AP4M1: variants seen among roughly 807,000 people sequenced by gnomAD.
AP4M1 encodes adaptor related protein complex 4 subunit mu 1.
Under a neutral mutation model 62.4 loss-of-function variants are expected in AP4M1, and 58 were observed. The observed-to-expected ratio is 0.93, with a 90% CI of 0.75 to 1.16. The LOEUF (loss-of-function observed/expected upper bound fraction) is 1.16. Ranked by LOEUF, AP4M1 falls within the 50% of genes most tolerant of loss-of-function variation. AP4M1 has a pLI of 0.00. For missense variants in AP4M1, 626 were observed against 585.4 expected (o/e 1.07, Z -0.72); for synonymous variants, 290 against 239.7 (o/e 1.21, Z -1.94).
In AP4M1 at chr7:100,107,357, A is replaced by G. The variant is rs1318533241; in HGVS notation, c.*475A>G. On this transcript the variant is annotated 3_prime_UTR_variant, in exon 15 of 15. Coordinates refer to ENST00000359593, the MANE Select transcript of AP4M1 (RefSeq NM_004722.4). ...CCTCCTGCTTCCCCCCACAAAGGGC[A>G]CTGCCGCTGAGTGGGGACGGGGACG... is the stretch of plus-strand genomic sequence containing the variant. The G allele has an allele frequency of 4.5e-6, 7 of 1,563,308 alleles. No homozygotes were observed. Among genetic ancestry groups the G allele is most frequent in the Non-Finnish European group, 6.1e-6 (7 of 1,152,650 alleles).
Position 100,106,647 on chromosome 7 carries a change from G to A in AP4M1, c.1138-11G>A, listed in dbSNP as rs1023175723. 6.3e-7 allele frequency: 1 copy of A among 1,588,388 alleles called. No individual in the cohort carries two copies. Among genetic ancestry groups the A allele is most frequent in the Non-Finnish European group, 8.5e-7 (1 of 1,170,720 alleles). On this transcript the variant is annotated splice_polypyrimidine_tract_variant and intron_variant, in intron 14 of 14. Transcript: ENST00000359593. ...TGCCCTCCTTCCTCTCCCTGCCTCT[G>A]CCCCTCACAGATGGACGTCCCAGGG... is the stretch of plus-strand genomic sequence containing the variant.
rs973744863 is a variant in AP4M1, at chr7:100,105,958, G to C, written c.930-1G>C. 1 of 1,614,174 alleles carries C rather than the reference G, an allele frequency of 6.2e-7. No homozygotes were observed. The highest frequency in any genetic ancestry group is 1.3e-5 in the African/African-American group (1 of 75,048). On this transcript the variant is annotated splice_acceptor_variant, in intron 11 of 14. Transcript: ENST00000359593. LOFTEE classifies it high-confidence loss of function. ...TCGTGGTGTTTTACCCTCTCATCCA[G>C]GCTCCAGGTTTATCTAAAGTTGCGA...
chr7:100,107,917 T>C lies in AP4M1; in HGVS notation c.*1035T>C. ...CTCCAGATGCTCCCTGTCCCACAGCTCTGCATACCTGCTGGGTGGATGGGG... is the reference window on the plus strand; with the variant it reads ...CTCCAGATGCTCCCTGTCCCACAGCCCTGCATACCTGCTGGGTGGATGGGG... On this transcript the variant is annotated 3_prime_UTR_variant, in exon 15 of 15. Coordinates refer to ENST00000359593, the MANE Select transcript of AP4M1 (RefSeq NM_004722.4). The C allele has an allele frequency of 6.3e-7, 1 of 1,599,758 alleles. No homozygotes were observed. Among genetic ancestry groups the C allele is most frequent in the Non-Finnish European group, 8.5e-7 (1 of 1,171,474 alleles).
chr7:100,102,419 AAAAG>A (rs1219614088), intron 2 of AP4M1: 11 of 439,384 alleles, frequency 2.5e-5, no homozygotes, highest in East Asian at 2.3e-4. Flanking sequence ...GAAAAAAAAA[AAAAG>A]AGTCAATGGG....
intron 4 of AP4M1, 23 bp from the exon 5 acceptor site, chr7:100,103,386 G>T: frequency 6.2e-7 from 1 of 1,600,368 alleles, no homozygotes; most frequent in Admixed American, 1.7e-5. Context: ...TGATCACTCA[G>T]ACTGTCCTTC....
upstream of AP4M1, chr7:100,101,231 G>C (rs199801842): frequency 3.5e-5 from 56 of 1,612,254 alleles, 1 homozygote; most frequent in Admixed American, 6.5e-4. Context: ...GGCTCCCCGC[G>C]CAGGACGCCC....
In AP4M1 at chr7:100,107,195, CGTGTGTACATGTCTGCAT is replaced by C. The variant is rs1489443582; in HGVS notation, c.*319_*336del. On this transcript the variant is annotated 3_prime_UTR_variant, in exon 15 of 15. Coordinates refer to ENST00000359593, the MANE Select transcript of AP4M1 (RefSeq NM_004722.4). ...GCGAGCATGCATGTGTGTACGTGCA[CGTGTGTACATGTCTGCAT>C]GTGTGGGAATCCGGGGGCTGGCAGG... 20 of 1,519,004 alleles carry C rather than the reference CGTGTGTACATGTCTGCAT, an allele frequency of 1.3e-5. No homozygotes were observed. Among genetic ancestry groups the C allele is most frequent in the Non-Finnish European group, 1.6e-5 (18 of 1,136,500 alleles). The allele number at this position is 1,519,004 out of a possible 1,614,324, so 94.1% of individuals were successfully genotyped here.
Position 100,106,497 on chromosome 7 carries a change from C to T in AP4M1, c.1120C>T (p.Leu374Phe), listed in dbSNP as rs747834855. 4 of 1,613,562 alleles carry T rather than the reference C, an allele frequency of 2.5e-6. No individual in the cohort carries two copies. The highest frequency in any genetic ancestry group is 4.5e-5 in the East Asian group (2 of 44,880). ...DLPRVQGGSQ[L>F]SGLFQMDVPG... is the part of the protein sequence containing the mutation. Reference sequence around the variant, plus strand: ...GCCTCGGGTGCAAGGAGGCTCTCAACTCTCAGGCCTTTTCCAGGTATTCGC... The same window carrying T: ...GCCTCGGGTGCAAGGAGGCTCTCAATTCTCAGGCCTTTTCCAGGTATTCGC... The change falls in exon 14 of 15, where the codon CTC (leucine) becomes TTC (phenylalanine). Residue 374 changes from leucine (L) to phenylalanine (F), a missense_variant. Coordinates refer to ENST00000359593, the MANE Select transcript of AP4M1 (RefSeq NM_004722.4).
chr7:100,102,989 C>T, intron 4 of AP4M1, 29 bp downstream of exon 4: 1 of 1,592,144 alleles, frequency 6.3e-7, no homozygotes, highest in East Asian at 2.2e-5. Flanking sequence ...CTTCTGTGGC[C>T]CCTACCCAAT....
rs1562919697 is a variant in AP4M1 at position 100,108,141 on chromosome 7, A to C, written c.*1259A>C. On this transcript the variant is annotated 3_prime_UTR_variant, in exon 15 of 15. Coordinates refer to ENST00000359593, the MANE Select transcript of AP4M1 (RefSeq NM_004722.4). ...GGCCGGGGCTGCGGGGAGAAGAGGA[A>C]AGGGGGAAGTGGCACCATCTACTAA... is the stretch of plus-strand genomic sequence containing the variant. 6.3e-7 allele frequency: 1 copy of C among 1,580,186 alleles called. No individual in the cohort carries two copies. Among genetic ancestry groups the C allele is most frequent in the Non-Finnish European group, 8.6e-7 (1 of 1,167,426 alleles).
rs926724129 is a variant in AP4M1 at position 100,108,627 on chromosome 7, C to A, written c.*1745C>A. 6.9e-7 allele frequency: 1 copy of A among 1,441,348 alleles called. No homozygotes were observed. The highest frequency in any genetic ancestry group is 9.3e-7 in the Non-Finnish European group (1 of 1,072,408). 89.3% of individuals were successfully genotyped at this position (1,441,348 alleles called of 1,614,324 possible). On this transcript the variant is annotated 3_prime_UTR_variant, in exon 15 of 15. Coordinates refer to ENST00000359593, the MANE Select transcript of AP4M1 (RefSeq NM_004722.4). ...GGGCTGGTGACACTCTTGAGAAGAA[C>A]CTTGGGGATGGGGTAAAAAAGGACA...
rs997403760 is a variant in AP4M1, at chr7:100,107,773, G to C, written c.*891G>C. The C allele has an allele frequency of 3.6e-6, 5 of 1,395,478 alleles. No individual in the cohort carries two copies. The highest frequency in any genetic ancestry group is 4.8e-6 in the Non-Finnish European group (5 of 1,043,870). 86.4% of individuals were successfully genotyped at this position (1,395,478 alleles called of 1,614,324 possible). ...TATGGCTGGAGACCTTGTTCATGCA[G>C]GGCAGCTACAGCCCTGCAGGACCCT... On this transcript the variant is annotated 3_prime_UTR_variant, in exon 15 of 15. Coordinates refer to ENST00000359593, the MANE Select transcript of AP4M1 (RefSeq NM_004722.4).
chr7:100,101,189 C>T (rs1007529603), upstream of AP4M1: 75 of 1,581,916 alleles, frequency 4.7e-5, no homozygotes, highest in African/African-American at 8.2e-4. Flanking sequence ...TCCCCCAAGA[C>T]CCCAGCTCAC....
In AP4M1 at chr7:100,108,983, A is replaced by G. The variant is rs1021857115; in HGVS notation, c.*2101A>G. 1 of 152,414 alleles carries G rather than the reference A, an allele frequency of 6.6e-6. No individual in the cohort carries two copies. The highest frequency in any genetic ancestry group is 2.4e-5 in the African/African-American group (1 of 40,898). 9.4% of individuals were successfully genotyped at this position (152,414 alleles called of 1,614,324 possible). ...GGCTGCAGTGAGCAGAGGTTGCATC[A>G]GTGCACTCCCGCTTGGGTGACAGAG... On this transcript the variant is annotated 3_prime_UTR_variant, in exon 15 of 15. Transcript: ENST00000359593.
Position 100,107,537 on chromosome 7 carries a change from G to C in AP4M1, c.*655G>C, listed in dbSNP as rs542801954. ...TGGTGGCGGTGGAGACCAACTTGAC[G>C]ATGGGCTGCACGCTGGGGACGGTGG... On this transcript the variant is annotated 3_prime_UTR_variant, in exon 15 of 15. Coordinates refer to ENST00000359593, the MANE Select transcript of AP4M1 (RefSeq NM_004722.4). 1 of 1,614,116 alleles carries C rather than the reference G, an allele frequency of 6.2e-7. No homozygotes were observed.
chr7:100,102,742 A>G lies in AP4M1; in HGVS notation c.215A>G (p.Glu72Gly), dbSNP rs1319444970. ...CTCTATTTGGTGGTCACAACTTCAG[A>G]AAACGTTTCTCCCTTCAGCCTCCTA... ...SGLYLVVTTS[E>G]NVSPFSLLEL... The change falls in exon 3 of 15, where the codon GAA becomes GGA. Residue 72 changes from glutamate to glycine, a missense_variant. Physicochemically the swap from Glu to Gly is moderately conservative, Grantham distance 98. Coordinates refer to ENST00000359593, the MANE Select transcript of AP4M1 (RefSeq NM_004722.4). 1.2e-6 allele frequency: 2 copies of G among 1,614,050 alleles called. No individual in the cohort carries two copies. The highest frequency in any genetic ancestry group is 2.7e-5 in the African/African-American group (2 of 74,916).
At position 100,105,085 on chromosome 7, in the gene AP4M1, G is replaced by A. The variant is rs1313407063; in HGVS notation, c.714G>A (p.Lys238=). Residue 238 remains lysine (K), a synonymous_variant, in exon 9 of 15, where the codon AAG becomes AAA. Coordinates refer to ENST00000359593, the MANE Select transcript of AP4M1 (RefSeq NM_004722.4). ...IGLTEEFCVG[K]SELRGYGPGI... ...TGACGGAAGAGTTTTGTGTGGGGAA[G>A]TCAGAGCTGAGAGGTGAGGAGAAAG... 2.5e-6 allele frequency: 4 copies of A among 1,614,050 alleles called. No homozygotes were observed. The East Asian group carries it at 6.7e-5, about 27-fold the overall frequency.
At position 100,107,525 on chromosome 7, in the gene AP4M1, G is replaced by A. The variant is rs142395940; in HGVS notation, c.*643G>A. The A allele has an allele frequency of 6.7e-5, 108 of 1,613,896 alleles. No homozygotes were observed. Among genetic ancestry groups the A allele is most frequent in the Non-Finnish European group, 9.1e-5 (107 of 1,179,996 alleles). ...TGGGGGGTGCGGTGGTGGCGGTGGAGACCAACTTGACGATGGGCTGCACGC... is the reference window on the plus strand; with the variant it reads ...TGGGGGGTGCGGTGGTGGCGGTGGAAACCAACTTGACGATGGGCTGCACGC... On this transcript the variant is annotated 3_prime_UTR_variant, in exon 15 of 15. Coordinates refer to ENST00000359593, the MANE Select transcript of AP4M1 (RefSeq NM_004722.4).
rs1446823513 is a variant in AP4M1, at chr7:100,107,700, C to T, written c.*818C>T. On this transcript the variant is annotated 3_prime_UTR_variant, in exon 15 of 15. Transcript: ENST00000359593. ...AGAGGCCTGGCGAGGACGCTTCACT[C>T]GCTCCCTGCCTGAACAAGTTGTTCC... 1.4e-5 allele frequency: 22 copies of T among 1,550,960 alleles called. No homozygotes were observed. The highest frequency in any genetic ancestry group is 4.3e-5 in the Admixed American group (2 of 46,982).
Sources: allele counts gnomAD v4.1 joint callset, GRCh38; gene constraint gnomAD v4.1.1; transcripts MANE v1.5; gene names NCBI Gene and HGNC (gene_info 2026-07-23, HGNC 2026-07-21).